KLRF2: variants seen among roughly 807,000 people sequenced by gnomAD.
KLRF2 encodes the protein killer cell lectin like receptor F2, also known as killer cell lectin-like receptor subfamily F member 2.
Under a neutral mutation model 25.3 loss-of-function variants are expected in KLRF2, and 28 were observed. The ratio of observed to expected loss-of-function variants is 1.11; its 90% CI spans 0.82 to 1.52. KLRF2 has a LOEUF of 1.52. Among genes scored for constraint, KLRF2 ranks in the 40% most tolerant of loss-of-function variants. KLRF2 has a pLI of 0.00. For synonymous variants in KLRF2, 73 were observed against 85.0 expected (o/e 0.86, Z 0.78); for missense variants, 265 against 245.8 (o/e 1.08, Z -0.52).
intron 3 of KLRF2, among the ~76,000 whole-genome samples, chr12:9,889,662 A>G (rs579185): frequency 0.86 from 121,854 of 142,050 alleles, 50,855 homozygotes; most frequent in Non-Finnish European, 0.92. Flanking sequence ...GTGTGTGTGT[A>G]TATATATGTA....
At chr12:9,893,326 GA>G in intron 4 of KLRF2, 102 bp from the exon 5 acceptor site, 3 of 826,980 alleles carry the variant, frequency 3.6e-6, no homozygotes, top group Non-Finnish European at 5.4e-6. Flanking sequence ...TAATGTATAT[GA>G]AAAAATATAT....
At chr12:9,885,119 A>C (rs1868135714) in intron 2 of KLRF2, 87 bp downstream of exon 2, 1 of 414,514 alleles carries the variant, frequency 2.4e-6, no homozygotes, top group Non-Finnish European at 4.1e-6. Context: ...TAAACTCTAC[A>C]CTGTAGTCCA....
intron 2 of KLRF2, among the ~76,000 whole-genome samples, chr12:9,888,096 GAA>G (rs111917558): frequency 9.9e-6 from 1 of 101,278 alleles, no homozygotes; most frequent in Non-Finnish European, 2.1e-5. Flanking sequence ...TAATAAAAAT[GAA>G]AAAAAAAAAG....
rs778481686 is a variant in KLRF2, at chr12:9,881,508, G to T, written c.-88G>T. The T allele has an allele frequency of 2.1e-6, 2 of 965,116 alleles. No individual in the cohort carries two copies. Among genetic ancestry groups the T allele is most frequent in the Non-Finnish European group, 1.5e-6 (1 of 646,066 alleles). 59.8% of individuals were successfully genotyped at this position (965,116 alleles called of 1,614,324 possible). ...CCTTTTAGTTTTCTTTTAGTACCTT[G>T]TGCCAAAGAGACATATCCAAGGTTG... On this transcript the variant is annotated 5_prime_UTR_variant, in exon 1 of 6. Transcript: ENST00000535540.
chr12:9,882,575 C>T (rs1023511803), intron 1 of KLRF2, among the ~76,000 whole-genome samples: 5 of 152,004 alleles, frequency 3.3e-5, no homozygotes, highest in Non-Finnish European at 5.9e-5. Flanking sequence ...GTCAGGAATT[C>T]GAGACCAGCC....
At chr12:9,885,745 C>A (rs1238493231) in intron 2 of KLRF2, among the ~76,000 whole-genome samples, 2 of 151,908 alleles carry the variant, frequency 1.3e-5, no homozygotes, top group Non-Finnish European at 2.9e-5. Flanking sequence ...TGTATTTTTT[C>A]TCTAAATATC....
chr12:9,893,184 C>T lies in KLRF2; in HGVS notation c.366+16C>T. 2 of 1,524,634 alleles carry T rather than the reference C, an allele frequency of 1.3e-6. No homozygotes were observed. The highest frequency in any genetic ancestry group is 1.8e-6 in the Non-Finnish European group (2 of 1,138,896). 94.4% of individuals were successfully genotyped at this position (1,524,634 alleles called of 1,614,324 possible). A position where few individuals can be genotyped will look rare whatever the true frequency, so the allele number is the denominator to read the frequency against. On this transcript the variant is annotated intron_variant, in intron 4 of 5. Transcript: ENST00000535540. ...GGATGAGCTGGTGAGAAATCAAAAA[C>T]AGGATCTAACTGCACAAGGAAAAAT...
intron 2 of KLRF2, among the ~76,000 whole-genome samples, chr12:9,886,155 T>TA (rs1862595224): frequency 6.6e-6 from 1 of 152,150 alleles, no homozygotes; most frequent in Non-Finnish European, 1.5e-5. Flanking sequence ...TTACTAGTAG[T>TA]AAAAATATTT....
intron 3 of KLRF2, among the ~76,000 whole-genome samples, chr12:9,889,646 A>ATATG (rs1862649499): frequency 7.1e-6 from 1 of 140,610 alleles, no homozygotes; most frequent in Non-Finnish European, 1.5e-5. Flanking sequence ...GTGTATATAT[A>ATATG]TGTGTGTGTG....
chr12:9,892,918 G>T, intron 3 of KLRF2, 102 bp from the exon 4 acceptor site: 17 of 916,736 alleles, frequency 1.9e-5, no homozygotes, highest in Non-Finnish European at 2.3e-5. Flanking sequence ...AAAAAAAAAT[G>T]AGTTGGAAAA....
At chr12:9,888,355 T>A (rs56063398) in intron 2 of KLRF2, among the ~76,000 whole-genome samples, 294 of 151,770 alleles carry the variant, frequency 1.9e-3, no homozygotes, top group Non-Finnish European at 3.6e-3. Flanking sequence ...CTGGGCATGG[T>A]GGTGCGCGCC....
chr12:9,887,910 G>T (rs1454062094), intron 2 of KLRF2, among the ~76,000 whole-genome samples: 1 of 151,538 alleles, frequency 6.6e-6, no homozygotes, highest in Non-Finnish European at 1.5e-5. Flanking sequence ...ACAAAAATTA[G>T]CTGGGTGTGG....
chr12:9,893,048 G>C lies in KLRF2; in HGVS notation c.246G>C (p.Trp82Cys), dbSNP rs1022883003. Residue 82 changes from tryptophan (W) to cysteine (C), a missense_variant, in exon 4 of 6, where the codon TGG (tryptophan) becomes TGC (cysteine). By Grantham distance (215) the Trp-to-Cys change is radical (BLOSUM62 -2). Coordinates refer to ENST00000535540, the MANE Select transcript of KLRF2 (RefSeq NM_001190765.1). ...ACAATTACTTGTGCCCAAATGACTG[G>C]CTGTTGAACGAAGGGAAATGTTACT... Reference protein sequence around the residue: ...SGHNYLCPNDWLLNEGKCYWF... With the variant: ...SGHNYLCPNDCLLNEGKCYWF... The C allele has an allele frequency of 8.5e-6, 13 of 1,535,500 alleles. No individual in the cohort carries two copies. Among genetic ancestry groups the C allele is most frequent in the Non-Finnish European group, 1.0e-5 (12 of 1,146,520 alleles).
chr12:9,895,550 A>G (rs1251558168), intron 5 of KLRF2, 139 bp from the exon 6 acceptor site: 1 of 686,188 alleles, frequency 1.5e-6, no homozygotes, highest in Admixed American at 3.2e-5. Context: ...CTGCATTAGC[A>G]ATGAAAATTC....
chr12:9,882,107 A>AG (rs146468727), intron 1 of KLRF2, among the ~76,000 whole-genome samples: 2,710 of 152,140 alleles, frequency 0.018, 80 homozygotes, highest in African/African-American at 0.062. Context: ...GCGAGAAGAG[A>AG]GAAAAAAAAA....
At chr12:9,891,969 C>T (rs1290140853) in intron 3 of KLRF2, among the ~76,000 whole-genome samples, 1 of 152,098 alleles carries the variant, frequency 6.6e-6, no homozygotes, top group East Asian at 1.9e-4. Flanking sequence ...CAACAATAAG[C>T]ATTTATTATA....
chr12:9,895,628 T>G (rs1056866217), intron 5 of KLRF2, 61 bp from the exon 6 acceptor site: 1 of 1,438,060 alleles, frequency 7.0e-7, no homozygotes, highest in Non-Finnish European at 9.1e-7. Flanking sequence ...TGGAGAAAAC[T>G]TTAAAAGATA....
rs763494913 is a variant in KLRF2, at chr12:9,885,027, T to A, written c.164T>A (p.Phe55Tyr). The A allele has an allele frequency of 5.6e-6, 7 of 1,248,630 alleles. No individual in the cohort carries two copies. The highest frequency in any genetic ancestry group is 1.6e-5 in the African/African-American group (1 of 64,280). 77.3% of individuals were successfully genotyped at this position (1,248,630 alleles called of 1,614,324 possible). A position where few individuals can be genotyped will look rare whatever the true frequency, so the allele number is the denominator to read the frequency against. The change falls in exon 2 of 6, where the codon TTC becomes TAC. Residue 55 changes from phenylalanine (F) to tyrosine (Y), a missense_variant. By Grantham distance (22) the Phe-to-Tyr change is conservative. Transcript: ENST00000535540. ...ATTATGACAGGGATTGACCTGAAGTTCTGGCGTGAGTAGTAAATTTTTATT... is the reference window on the plus strand; with the variant it reads ...ATTATGACAGGGATTGACCTGAAGTACTGGCGTGAGTAGTAAATTTTTATT... The part of the protein sequence containing the change: ...IFIMTGIDLK[F>Y]WHKKMDFSQN...
At chr12:9,891,887 T>A (rs1319405958) in intron 3 of KLRF2, among the ~76,000 whole-genome samples, 3 of 152,220 alleles carry the variant, frequency 2.0e-5, no homozygotes, top group African/African-American at 7.2e-5. Flanking sequence ...GGGTCATAGT[T>A]GACAGACTAA....
Sources: allele counts gnomAD v4.1 joint callset (sites outside exome capture counted in the v4.1 genomes callset), GRCh38; gene constraint gnomAD v4.1.1; transcripts MANE v1.5; gene names NCBI Gene and HGNC (gene_info 2026-07-23, HGNC 2026-07-21).